CNTN6: variants seen among roughly 807,000 people sequenced by gnomAD.
CNTN6 encodes contactin-6.
Under a neutral mutation model 122.8 loss-of-function variants are expected in CNTN6, and 137 were observed. The ratio of observed to expected loss-of-function variants is 1.12; its 90% CI spans 0.97 to 1.29. The LOEUF (loss-of-function observed/expected upper bound fraction) is 1.29. CNTN6 is among the 50% of genes most tolerant of loss of function. The pLI is 0.00. For synonymous variants in CNTN6, 570 were observed against 426.0 expected, an observed-to-expected ratio of 1.34 and a Z score of -4.16; for missense variants, 1,634 against 1,223.4, an observed-to-expected ratio of 1.34 and a Z score of -5.01.
In CNTN6 at chr3:1,176,278, A is replaced by G. The variant is rs114489330; in HGVS notation, c.55+28215A>G. On this transcript the variant is annotated intron_variant, in intron 2 of 22. Transcript: ENST00000446702. ...ACTAAAAATACAAAATTAGCTGGATATGGTGGTGAATGCCTGTAATCCCAG... is the reference window on the plus strand; with the variant it reads ...ACTAAAAATACAAAATTAGCTGGATGTGGTGGTGAATGCCTGTAATCCCAG... Among the ~76,000 whole-genome samples the G allele has an allele frequency of 9.8e-3, 1,493 of 152,236 alleles. 33 individuals are homozygous for G. Among genetic ancestry groups the G allele is most frequent in the African/African-American group, 0.034 (1,432 of 41,550 alleles).
intron 20 of CNTN6, among the ~76,000 whole-genome samples, chr3:1,393,210 T>C (rs1576071293): frequency 1.0e-5 from 1 of 97,726 alleles, no homozygotes; most frequent in Non-Finnish European, 2.1e-5. Flanking sequence ...ATATACACCA[T>C]GGAATACTAT....
Position 1,163,180 on chromosome 3 carries a change from A to G in CNTN6, c.55+15117A>G, listed in dbSNP as rs540280208. 2.4e-3 allele frequency among the ~76,000 whole-genome samples: 360 copies of G among 152,326 alleles called. 1 individual carries two copies. The highest frequency in any genetic ancestry group is 8.1e-3 in the African/African-American group (337 of 41,574). ...CGCAGCTTGTTTTAGCTAAAAGGCA[A>G]TTTGGGACTCTTCTGTGAATTTTAT... On this transcript the variant is annotated intron_variant, in intron 2 of 22. Coordinates refer to ENST00000446702, the MANE Select transcript of CNTN6 (RefSeq NM_001289080.2).
At chr3:1,321,601 G>A in intron 7 of CNTN6, 49 bp from the exon 8 acceptor site, 1 of 1,470,400 alleles carries the variant, frequency 6.8e-7, no homozygotes. Flanking sequence ...TTATTTTGCT[G>A]TCATAAAGAT....
chr3:1,193,852 G>T (rs1211444105), intron 2 of CNTN6, among the ~76,000 whole-genome samples: 1 of 152,072 alleles, frequency 6.6e-6, no homozygotes, highest in Non-Finnish European at 1.5e-5. Flanking sequence ...ATAAAATACA[G>T]TGATCTTAAG....
At chr3:1,303,020 C>T (rs1221521028) in intron 7 of CNTN6, among the ~76,000 whole-genome samples, 2 of 152,054 alleles carry the variant, frequency 1.3e-5, no homozygotes, top group Non-Finnish European at 2.9e-5. Flanking sequence ...CCCCCCTTAG[C>T]TATGTTCAGT....
chr3:1,330,552 C>G (rs568848221), intron 11 of CNTN6, among the ~76,000 whole-genome samples: 1 of 151,822 alleles, frequency 6.6e-6, no homozygotes, highest in African/African-American at 2.4e-5. Context: ...TACCGTAGAG[C>G]CTTGTATACA....
In CNTN6 at chr3:1,377,066, T is replaced by C. The variant is rs1313893754; in HGVS notation, c.2157T>C (p.Ile719=). Residue 719 remains isoleucine (I), a synonymous_variant, in exon 17 of 23, where the codon ATT becomes ATC. Transcript: ENST00000446702. ...GGGGSRSELV[I]TWESIPEELQ... ...GAGGAAGTCGGTCTGAACTCGTCAT[T>C]ACGTGGGAGGTAATTTTCTGTCCAA... The C allele has an allele frequency of 3.1e-6, 5 of 1,597,064 alleles. No homozygotes were observed. Among genetic ancestry groups the C allele is most frequent in the Middle Eastern group, 1.7e-4 (1 of 6,044 alleles).
rs1696005445 is a variant in CNTN6 at position 1,403,569 on chromosome 3, G to T, written c.*151G>T. The T allele has an allele frequency of 3.4e-5, 15 of 447,686 alleles. No individual in the cohort carries two copies. In the South Asian group the frequency reaches 8.0e-4, roughly 24 times the overall value. The allele number at this position is 447,686 out of a possible 1,614,324, so 27.7% of individuals were successfully genotyped here. ...TATTAAAATCCTGTAAATATCTATG[G>T]TATATTAATAAAACAATTTTAAACA... is the stretch of plus-strand genomic sequence containing the variant. On this transcript the variant is annotated 3_prime_UTR_variant, in exon 23 of 23. Transcript: ENST00000446702.
intron 4 of CNTN6, among the ~76,000 whole-genome samples, chr3:1,240,174 A>G (rs2094464614): frequency 6.6e-6 from 1 of 152,324 alleles, no homozygotes; most frequent in Non-Finnish European, 1.5e-5. Context: ...AATACATGGG[A>G]CTTAATTAAA....
At chr3:1,110,555 A>C (rs954659795) in intron 1 of CNTN6, among the ~76,000 whole-genome samples, 1 of 152,130 alleles carries the variant, frequency 6.6e-6, no homozygotes, top group Non-Finnish European at 1.5e-5. Flanking sequence ...AAATTTGGGG[A>C]AAAAGAAATT....
chr3:1,263,959 G>T (rs186145382), intron 4 of CNTN6, among the ~76,000 whole-genome samples: 1 of 151,516 alleles, frequency 6.6e-6, no homozygotes. Context: ...CAAAGATCTG[G>T]GGGTAAGTTT....
intron 1 of CNTN6, among the ~76,000 whole-genome samples, chr3:1,137,907 A>G (rs1035827840): frequency 6.6e-6 from 1 of 152,176 alleles, no homozygotes; most frequent in African/African-American, 2.4e-5. Context: ...CTGCCCTGAA[A>G]TGTCCACTAT....
intron 2 of CNTN6, among the ~76,000 whole-genome samples, chr3:1,179,435 G>A (rs2093514622): frequency 6.6e-6 from 1 of 152,134 alleles, no homozygotes; most frequent in Non-Finnish European, 1.5e-5. Context: ...GGTGGTAAGA[G>A]GAGCATTGCT....
chr3:1,199,687 G>A (rs1015590951), intron 2 of CNTN6, among the ~76,000 whole-genome samples: 1 of 152,164 alleles, frequency 6.6e-6, no homozygotes, highest in Non-Finnish European at 1.5e-5. Flanking sequence ...TTGGAACACA[G>A]ACGGGAGGAG....
chr3:1,385,949 A>C, intron 20 of CNTN6, 152 bp downstream of exon 20: 1 of 649,950 alleles, frequency 1.5e-6, no homozygotes, highest in South Asian at 2.4e-5. Flanking sequence ...TACTTGTTGA[A>C]ACCTTTTGGT....
chr3:1,248,908 C>G (rs540640656), intron 4 of CNTN6, among the ~76,000 whole-genome samples: 3 of 152,288 alleles, frequency 2.0e-5, no homozygotes, highest in African/African-American at 7.2e-5. Flanking sequence ...GCCAGACATT[C>G]TGACATCTTA....
At chr3:1,327,356 A>G in intron 9 of CNTN6, 101 bp from the exon 10 acceptor site, 2 of 1,277,854 alleles carry the variant, frequency 1.6e-6, no homozygotes, top group Non-Finnish European at 2.2e-6. Context: ...CCAAATTATC[A>G]GATCTCATAG....
intron 1 of CNTN6, among the ~76,000 whole-genome samples, chr3:1,107,685 C>T (rs976601549): frequency 1.1e-4 from 17 of 152,024 alleles, no homozygotes; most frequent in South Asian, 4.1e-4. Flanking sequence ...TGATGTTCCT[C>T]TCCTTTCAAT....
chr3:1,401,085 C>T (rs1695634037), intron 20 of CNTN6, among the ~76,000 whole-genome samples: 1 of 151,746 alleles, frequency 6.6e-6, no homozygotes, highest in Non-Finnish European at 1.5e-5. Context: ...ATTTGCCAAA[C>T]ATGCTCATTG....
Sources: gnomAD v4.1 joint callset for allele counts (sites outside exome capture counted in the v4.1 genomes callset) on GRCh38, gnomAD v4.1.1 for gene constraint, MANE v1.5 for transcripts, NCBI Gene and HGNC (gene_info 2026-07-23, HGNC 2026-07-21) for gene names.